BDP1: variants seen among roughly 807,000 people sequenced by gnomAD.
The protein encoded by BDP1 is BDP1 general transcription factor IIIB subunit, also known as transcription factor TFIIIB component B'' homolog.
In BDP1, 169 loss-of-function variants were observed where a neutral mutation model predicts 266.6. The observed-to-expected ratio is 0.63, with a 90% CI of 0.56 to 0.72. BDP1 has a LOEUF of 0.72. Among genes scored for constraint, BDP1 ranks in the 30% least tolerant of loss-of-function variants. The pLI, the probability that BDP1 is intolerant of heterozygous loss-of-function variation, is 0.00. For synonymous variants in BDP1, 1,090 were observed against 1,022.4 expected, an observed-to-expected ratio of 1.07 and a Z score of -1.26; for missense variants, 3,015 against 3,053.8, an observed-to-expected ratio of 0.99 and a Z score of 0.30.
chr5:71,469,740 AG>A (rs1762121575), intron 6 of BDP1, among the ~76,000 whole-genome samples: 1 of 140,774 alleles, frequency 7.1e-6, no homozygotes, highest in African/African-American at 2.7e-5. Context: ...CAGCCTCCCC[AG>A]TAGCTGGGAT....
Position 71,510,915 on chromosome 5 carries a change from G to A in BDP1, c.3823G>A (p.Val1275Ile), listed in dbSNP as rs894517496. ...MEKVSGKMAV[V>I]EEMEADLKET... ...GAAAGTATCAGGAAAGATGGCTGTT[G>A]TTGAAGAAATGGAGGCAGATTTGAA... The change falls in exon 17 of 39, where the codon GTT becomes ATT. Residue 1275 changes from valine (V) to isoleucine (I), a missense_variant. Coordinates refer to ENST00000358731, the MANE Select transcript of BDP1 (RefSeq NM_018429.3). The A allele has an allele frequency of 6.2e-7, 1 of 1,613,734 alleles. No individual in the cohort carries two copies. The highest frequency in any genetic ancestry group is 1.3e-5 in the African/African-American group (1 of 74,928).
At chr5:71,461,958 CTTTTTTTTTT>C (rs370261571) in intron 3 of BDP1, 32 bp downstream of exon 3, 235 of 444,114 alleles carry the variant, frequency 5.3e-4, no homozygotes, top group Admixed American at 8.0e-4. Flanking sequence ...TTTACTATCT[CTTTTTTTTTT>C]TTTTTTTTTT....
At chr5:71,470,310 G>A in intron 6 of BDP1, 85 bp from the exon 7 acceptor site, 1 of 977,134 alleles carries the variant, frequency 1.0e-6, no homozygotes, top group Non-Finnish European at 1.6e-6. Flanking sequence ...GTAAAATTAA[G>A]TACTGTCAAA....
chr5:71,466,664 G>A (rs771956213), intron 5 of BDP1, among the ~76,000 whole-genome samples: 9 of 152,002 alleles, frequency 5.9e-5, no homozygotes, highest in Non-Finnish European at 1.0e-4. Context: ...GTTATGGTGA[G>A]GTATAATTCA....
downstream of BDP1, among the ~76,000 whole-genome samples, chr5:71,572,193 C>T (rs187834221): frequency 1.4e-4 from 21 of 152,260 alleles, no homozygotes; most frequent in African/African-American, 5.1e-4. Flanking sequence ...CTAATAAATA[C>T]AGAGGGCTGT....
At chr5:71,483,043 T>G (rs1477679459) in intron 7 of BDP1, among the ~76,000 whole-genome samples, 3 of 152,198 alleles carry the variant, frequency 2.0e-5, no homozygotes, top group Non-Finnish European at 4.4e-5. Context: ...GTTAAGTTCT[T>G]TTGAAGGGAG....
intron 9 of BDP1, among the ~76,000 whole-genome samples, chr5:71,487,070 A>G (rs1763303349): frequency 6.6e-6 from 1 of 152,160 alleles, no homozygotes; most frequent in South Asian, 2.1e-4. Flanking sequence ...ACAGGTAGAA[A>G]TTGTATATAT....
rs1048704738 is a variant in BDP1, at chr5:71,492,387, ATCT to A, written c.1640+1262_1640+1264del. Reference sequence around the variant, plus strand: ...TGTACAGGGTTCCAGTTTTTTTCACATCTTCTTCAATACTTGTTATCTTTTATT... The same window carrying A: ...TGTACAGGGTTCCAGTTTTTTTCACATCTTCAATACTTGTTATCTTTTATT... On this transcript the variant is annotated intron_variant, in intron 11 of 38. Transcript: ENST00000358731. Among the ~76,000 whole-genome samples the A allele has an allele frequency of 2.4e-4, 37 of 152,184 alleles. 1 individual carries two copies. The highest frequency in any genetic ancestry group is 8.0e-4 in the African/African-American group (33 of 41,508).
At chr5:71,525,267 ACC>A (rs1257894176) in intron 25 of BDP1, among the ~76,000 whole-genome samples, 2 of 113,272 alleles carry the variant, frequency 1.8e-5, no homozygotes, top group African/African-American at 3.5e-5. Flanking sequence ...CGGGGGGCTG[ACC>A]CCCCCCACCT....
At chr5:71,539,670 C>A in intron 28 of BDP1, 21 bp downstream of exon 28, 1 of 1,530,444 alleles carries the variant, frequency 6.5e-7, no homozygotes, top group East Asian at 2.3e-5. Flanking sequence ...AAGCTAAGTC[C>A]TATCAAAAAT....
intron 29 of BDP1, 110 bp from the exon 30 acceptor site, chr5:71,541,995 C>T: frequency 1.2e-6 from 1 of 817,312 alleles, no homozygotes; most frequent in Non-Finnish European, 1.9e-6. Context: ...CACTTGTAGA[C>T]AGTGTGGCAC....
chr5:71,565,565 G>A lies in BDP1; in HGVS notation c.*680G>A, dbSNP rs1743979370. On this transcript the variant is annotated 3_prime_UTR_variant, in exon 39 of 39. Transcript: ENST00000358731. Reference sequence around the variant, plus strand: ...ATTCAGCATAGTAACACATTGTAGAGGTTTGTAGCCGAGGAGCAATAGGCT... The same window carrying A: ...ATTCAGCATAGTAACACATTGTAGAAGTTTGTAGCCGAGGAGCAATAGGCT... 6.6e-6 allele frequency: 1 copy of A among 152,456 alleles called. No individual in the cohort carries two copies. Among genetic ancestry groups the A allele is most frequent in the South Asian group, 2.1e-4 (1 of 4,844 alleles). 9.4% of individuals were successfully genotyped at this position (152,456 alleles called of 1,614,324 possible). A position where few individuals can be genotyped will look rare whatever the true frequency, so the allele number is the denominator to read the frequency against.
At chr5:71,463,376 T>C (rs1231626587) in intron 3 of BDP1, among the ~76,000 whole-genome samples, 1 of 152,132 alleles carries the variant, frequency 6.6e-6, no homozygotes, top group Non-Finnish European at 1.5e-5. Context: ...TAGCCCTTTT[T>C]CAGATTCACC....
chr5:71,476,555 T>TG (rs1251011715), intron 7 of BDP1, among the ~76,000 whole-genome samples: 1 of 146,512 alleles, frequency 6.8e-6, no homozygotes, highest in African/African-American at 2.4e-5. Context: ...TTTCCCTTTT[T>TG]TTTTAGACAG....
chr5:71,503,064 CAAAAA>C (rs1190511316), intron 15 of BDP1, among the ~76,000 whole-genome samples: 1 of 78,422 alleles, frequency 1.3e-5, no homozygotes, highest in African/African-American at 3.9e-5. Context: ...GACTCTGTCT[CAAAAA>C]AAAAAAAAAA....
At chr5:71,501,675 A>T (rs1195922941) in intron 14 of BDP1, 22 bp downstream of exon 14, 9 of 385,098 alleles carry the variant, frequency 2.3e-5, no homozygotes, top group East Asian at 1.3e-4. Context: ...GGAAGTAGTA[A>T]AAAAAAAAAA....
chr5:71,517,493 G>T (rs763769119), intron 22 of BDP1, 41 bp downstream of exon 22: 1 of 1,508,638 alleles, frequency 6.6e-7, no homozygotes, highest in Non-Finnish European at 8.9e-7. Context: ...ACTTTTCAAA[G>T]ATAAAAGTTA....
intron 8 of BDP1, among the ~76,000 whole-genome samples, chr5:71,485,529 G>A (rs901624635): frequency 6.6e-6 from 1 of 152,118 alleles, no homozygotes; most frequent in Non-Finnish European, 1.5e-5. Flanking sequence ...AGTTTCCAGA[G>A]ATTCTTTTTA....
intron 6 of BDP1, among the ~76,000 whole-genome samples, chr5:71,468,888 T>C (rs1762070855): frequency 6.6e-6 from 1 of 152,114 alleles, no homozygotes; most frequent in Non-Finnish European, 1.5e-5. Context: ...ATTACACGCG[T>C]GAGCCACTGT....
Sources: allele counts gnomAD v4.1 joint callset (sites outside exome capture counted in the v4.1 genomes callset), GRCh38; gene constraint gnomAD v4.1.1; transcripts MANE v1.5; gene names NCBI Gene and HGNC (gene_info 2026-07-23, HGNC 2026-07-21).